SYN3: variants seen among roughly 807,000 people sequenced by gnomAD.
SYN3 encodes the protein synapsin-3.
Under a neutral mutation model 65.8 loss-of-function variants are expected in SYN3, and 35 were observed. The ratio of observed to expected loss-of-function variants is 0.53; its 90% CI spans 0.41 to 0.70. The LOEUF is 0.70. Among genes scored for constraint, SYN3 ranks in the 30% least tolerant of loss-of-function variants. The pLI is 0.00. For missense variants in SYN3, 680 were observed against 749.0 expected (o/e 0.91, Z 1.08); for synonymous variants, 270 against 292.9 (o/e 0.92, Z 0.80).
intron 12 of SYN3, among the ~76,000 whole-genome samples, chr22:32,519,053 A>ATCCTT (rs1472358313): frequency 6.6e-6 from 1 of 152,176 alleles, no homozygotes; most frequent in East Asian, 1.9e-4. Context: ...CAGGCCAAGG[A>ATCCTT]GAGAAGCTGT....
At chr22:32,797,218 C>T (rs1203298461) in intron 6 of SYN3, among the ~76,000 whole-genome samples, 1 of 152,176 alleles carries the variant, frequency 6.6e-6, no homozygotes, top group Non-Finnish European at 1.5e-5. Flanking sequence ...CAAGGAGCCA[C>T]CACCTGCCTG....
intron 6 of SYN3, among the ~76,000 whole-genome samples, chr22:32,710,080 C>G (rs1411973038): frequency 1.1e-5 from 1 of 91,082 alleles, no homozygotes; most frequent in African/African-American, 5.8e-5. Flanking sequence ...TATATGCACA[C>G]ACACACACAC....
intron 6 of SYN3, among the ~76,000 whole-genome samples, chr22:32,765,309 C>T (rs12484506): frequency 0.12 from 18,070 of 152,060 alleles, 1,088 homozygotes; most frequent in Admixed American, 0.16. Flanking sequence ...ATCCCACACC[C>T]GCCACAAACC....
intron 8 of SYN3, among the ~76,000 whole-genome samples, 156 bp downstream of exon 8, chr22:32,541,415 A>G (rs2213407): frequency 0.35 from 53,902 of 152,006 alleles, 10,018 homozygotes; most frequent in East Asian, 0.7. Flanking sequence ...GTGACTGGAC[A>G]TCAGCCCCTC....
intron 7 of SYN3, among the ~76,000 whole-genome samples, chr22:32,596,356 G>A (rs1413175783): frequency 6.6e-6 from 1 of 152,194 alleles, no homozygotes. Context: ...GATGATGACA[G>A]CAACCCCTTA....
Position 33,015,845 on chromosome 22 carries a change from CT to C in SYN3, c.-162-9022del, listed in dbSNP as rs397838349. Among the ~76,000 whole-genome samples, 765 of 139,252 alleles carry C rather than the reference CT, an allele frequency of 5.5e-3. 3 individuals carry two copies. Among genetic ancestry groups the C allele is most frequent in the Non-Finnish European group, 7.2e-3 (466 of 64,446 alleles). The allele number at this position is 139,252 out of a possible 152,430, so 91.4% of individuals were successfully genotyped here. ...ACATTTAATAGGCAAATTTTCTTTT[CT>C]TTTTTTTTTTTTTTAAGACAGTTAC... On this transcript the variant is annotated intron_variant, in intron 1 of 13. Coordinates refer to ENST00000358763, the MANE Select transcript of SYN3 (RefSeq NM_003490.4).
intron 2 of SYN3, among the ~76,000 whole-genome samples, chr22:32,987,546 A>T (rs2052564021): frequency 6.6e-6 from 1 of 152,174 alleles, no homozygotes; most frequent in Admixed American, 6.5e-5. Context: ...TGCAATTAGC[A>T]AGGTCCAATG....
intron 12 of SYN3, among the ~76,000 whole-genome samples, chr22:32,526,711 G>A (rs1440178678): frequency 6.6e-6 from 1 of 151,960 alleles, no homozygotes; most frequent in Non-Finnish European, 1.5e-5. Flanking sequence ...AGTACTGATG[G>A]GGTTTCACCA....
chr22:33,052,476 A>G (rs1054607541), intron 1 of SYN3, among the ~76,000 whole-genome samples: 1 of 151,966 alleles, frequency 6.6e-6, no homozygotes, highest in Non-Finnish European at 1.5e-5. Context: ...TGGGAGGAGG[A>G]AAGGAGGAGA....
chr22:32,562,804 A>G (rs2058605559), intron 7 of SYN3, among the ~76,000 whole-genome samples: 1 of 152,244 alleles, frequency 6.6e-6, no homozygotes, highest in Non-Finnish European at 1.5e-5. Context: ...GCTTCGGGCC[A>G]TGTCTGCAGG....
rs939819795 is a variant in SYN3, at chr22:32,508,028, A to T, written c.*5664T>A. 1.3e-4 allele frequency among the ~76,000 whole-genome samples: 20 copies of T among 151,908 alleles called. 1 individual carries two copies. The South Asian group carries it at 4.0e-3, about 30-fold the overall frequency. On this transcript the variant is annotated 3_prime_UTR_variant, in exon 14 of 14. Coordinates refer to ENST00000358763, the MANE Select transcript of SYN3 (RefSeq NM_003490.4). ...ATTTTCGTCGCCCCAACACTTCAAC[A>T]CTATTTTGTTTTATTTTTCTTATTA...
intron 3 of SYN3, among the ~76,000 whole-genome samples, chr22:32,966,462 G>T (rs1246792683): frequency 3.3e-5 from 5 of 152,072 alleles, no homozygotes; most frequent in African/African-American, 9.7e-5. Context: ...GGCAGGCAGG[G>T]GCAAGCTCAT....
At chr22:32,675,959 C>T (rs1264592725) in intron 6 of SYN3, among the ~76,000 whole-genome samples, 1 of 152,046 alleles carries the variant, frequency 6.6e-6, no homozygotes, top group Non-Finnish European at 1.5e-5. Flanking sequence ...GAGGAAATAT[C>T]TGTCTTGAAG....
Position 32,518,332 on chromosome 22 carries a change from C to A in SYN3, c.1321G>T (p.Gly441Cys), listed in dbSNP as rs372209115. The part of the protein sequence containing the change: ...QPQPRPPPQG[G>C]PRQAQSPQPQ... Reference sequence around the variant, plus strand: ...TGAGGAGACTGAGCTTGGCGAGGGCCTCCTAAGGGGCCAGAAAAAAAAAGG... The same window carrying A: ...TGAGGAGACTGAGCTTGGCGAGGGCATCCTAAGGGGCCAGAAAAAAAAAGG... Residue 441 changes from glycine to cysteine, a missense_variant and splice_region_variant, in exon 13 of 14, where the codon GGC (glycine) becomes TGC (cysteine). Transcript: ENST00000358763. 3.7e-6 allele frequency: 6 copies of A among 1,608,604 alleles called. No homozygotes were observed. Among genetic ancestry groups the A allele is most frequent in the Non-Finnish European group, 5.1e-6 (6 of 1,177,704 alleles).
intron 2 of SYN3, among the ~76,000 whole-genome samples, chr22:33,005,180 G>A (rs936193827): frequency 2.0e-5 from 3 of 152,126 alleles, no homozygotes; most frequent in African/African-American, 7.2e-5. Context: ...CCAGTCTCGG[G>A]CAGTTCTTCA....
rs189057751 is a variant in SYN3 at position 32,609,538 on chromosome 22, G to A, written c.712-12802C>T. ...GTTGCCCAGGCTGGAGTACAGTGGCGTGGTCGTAGCTCACTGTAATCTCAA... is the reference window on the plus strand; with the variant it reads ...GTTGCCCAGGCTGGAGTACAGTGGCATGGTCGTAGCTCACTGTAATCTCAA... On this transcript the variant is annotated intron_variant, in intron 6 of 13. Transcript: ENST00000358763. Among the ~76,000 whole-genome samples, 5 of 148,316 alleles carry A rather than the reference G, an allele frequency of 3.4e-5. No homozygotes were observed. In the East Asian group the frequency reaches 1.0e-3, roughly 30 times the overall value.
At chr22:32,620,179 G>A (rs1050595803) in intron 6 of SYN3, among the ~76,000 whole-genome samples, 2 of 152,182 alleles carry the variant, frequency 1.3e-5, no homozygotes, top group Non-Finnish European at 2.9e-5. Context: ...AAATCTGGTT[G>A]GAAAAAATTT....
At chr22:32,967,216 C>T (rs183087569) in intron 3 of SYN3, among the ~76,000 whole-genome samples, 102 of 152,314 alleles carry the variant, frequency 6.7e-4, no homozygotes, top group Non-Finnish European at 1.3e-3. Context: ...CCTCAGGCAC[C>T]GCCAGTGGAA....
rs1375929662 is a variant in SYN3, at chr22:32,668,407, G to A, written c.712-71671C>T. On this transcript the variant is annotated intron_variant, in intron 6 of 13. Coordinates refer to ENST00000358763, the MANE Select transcript of SYN3 (RefSeq NM_003490.4). The stretch of plus-strand genomic sequence containing the variant: ...CCCTTCTCTTTCCCCTCTTCCTGTG[G>A]ATGAGAAATTGTTACATTGTTATTA... Among the ~76,000 whole-genome samples the A allele has an allele frequency of 5.0e-5, 7 of 139,376 alleles. No individual in the cohort carries two copies. In the East Asian group the frequency reaches 1.5e-3, roughly 29 times the overall value. 91.4% of individuals were successfully genotyped at this position (139,376 alleles called of 152,430 possible). A position where few individuals can be genotyped will look rare whatever the true frequency, so the allele number is the denominator to read the frequency against.
Sources: allele counts gnomAD v4.1 joint callset (sites outside exome capture counted in the v4.1 genomes callset), GRCh38; gene constraint gnomAD v4.1.1; transcripts MANE v1.5; gene names NCBI Gene and HGNC (gene_info 2026-07-23, HGNC 2026-07-21).